RAPGEF2: variants seen among roughly 807,000 people sequenced by gnomAD.
RAPGEF2 encodes the protein PDZ domain containing guanine nucleotide exchange factor (GEF) 1.
In RAPGEF2, 54 loss-of-function variants were observed where a neutral mutation model predicts 186.7. The ratio of observed to expected loss-of-function variants is 0.29; its 90% confidence interval spans 0.23 to 0.36. The LOEUF is 0.36. Ranked by LOEUF, RAPGEF2 falls within the 10% of genes least tolerant of loss-of-function variation. The pLI is 1.00. For missense variants in RAPGEF2, 1,532 were observed against 2,045.0 expected (o/e 0.75, Z 4.84); for synonymous variants, 712 against 705.9 (o/e 1.01, Z -0.14).
chr4:159,284,586 C>G (rs1414996246), intron 7 of RAPGEF2, among the ~76,000 whole-genome samples: 1 of 151,796 alleles, frequency 6.6e-6, no homozygotes, highest in African/African-American at 2.4e-5. Flanking sequence ...TGCCTGACTC[C>G]TCTGGATTTC....
At chr4:159,290,448 T>TA (rs2110952405) in intron 7 of RAPGEF2, among the ~76,000 whole-genome samples, 1 of 152,356 alleles carries the variant, frequency 6.6e-6, no homozygotes, top group Admixed American at 6.5e-5. Context: ...CCTAGGATGA[T>TA]ACATCAGTAT....
chr4:159,296,836 A>C (rs1177255577), intron 7 of RAPGEF2, among the ~76,000 whole-genome samples: 1 of 152,188 alleles, frequency 6.6e-6, no homozygotes. Context: ...TTTTCAAGTG[A>C]AGTTCATGTA....
intron 1 of RAPGEF2, among the ~76,000 whole-genome samples, chr4:159,128,181 A>G (rs1011052057): frequency 6.6e-6 from 1 of 152,156 alleles, no homozygotes; most frequent in African/African-American, 2.4e-5. Context: ...AAATACTGAG[A>G]CTAATAATGT....
intron 7 of RAPGEF2, among the ~76,000 whole-genome samples, chr4:159,297,345 T>C (rs1262550636): frequency 6.6e-6 from 1 of 152,198 alleles, no homozygotes; most frequent in Admixed American, 6.5e-5. Flanking sequence ...GGTTTTACCA[T>C]ACTTAGTTTG....
At chr4:159,218,516 G>A (rs1336169146) in intron 4 of RAPGEF2, among the ~76,000 whole-genome samples, 1 of 152,184 alleles carries the variant, frequency 6.6e-6, no homozygotes, top group Admixed American at 6.5e-5. Context: ...AGCACTTTGG[G>A]AGGCTGAGGC....
chr4:159,303,379 A>T (rs1005467421), intron 7 of RAPGEF2, among the ~76,000 whole-genome samples: 6 of 152,202 alleles, frequency 3.9e-5, no homozygotes, highest in African/African-American at 1.2e-4. Flanking sequence ...AAATAGGATC[A>T]ATATGCAGGA....
At chr4:159,166,589 C>T (rs577585080) in intron 1 of RAPGEF2, among the ~76,000 whole-genome samples, 20 of 152,194 alleles carry the variant, frequency 1.3e-4, no homozygotes, top group Admixed American at 2.6e-4. Flanking sequence ...CACTTGAGTT[C>T]CAGAATTCCA....
chr4:159,352,469 C>T, intron 26 of RAPGEF2: 1 of 504,114 alleles, frequency 2.0e-6, no homozygotes. Flanking sequence ...AGGATACTTT[C>T]TTTTTTCCTC....
intron 11 of RAPGEF2, chr4:159,327,096 T>C (rs1440192255): frequency 6.6e-6 from 1 of 152,238 alleles, no homozygotes; most frequent in African/African-American, 2.4e-5. Flanking sequence ...TACAGTTTGC[T>C]GTGGATAAAT....
At chr4:159,155,506 A>G (rs772647009) in intron 1 of RAPGEF2, among the ~76,000 whole-genome samples, 1 of 143,368 alleles carries the variant, frequency 7.0e-6, no homozygotes, top group Non-Finnish European at 1.5e-5. Flanking sequence ...AGAAGTTTCC[A>G]GGTAGGGGAA....
chr4:159,164,064 G>A (rs544967913), intron 1 of RAPGEF2, among the ~76,000 whole-genome samples: 5 of 152,078 alleles, frequency 3.3e-5, no homozygotes, highest in South Asian at 4.1e-4. Flanking sequence ...GAGTGCAGTG[G>A]CGCAATCTCA....
At chr4:159,169,180 C>T (rs923513670) in intron 1 of RAPGEF2, among the ~76,000 whole-genome samples, 3 of 151,830 alleles carry the variant, frequency 2.0e-5, no homozygotes, top group African/African-American at 4.8e-5. Context: ...ATTTTGGAAC[C>T]CCCCTCAACT....
chr4:159,357,854 T>G (rs1367882209), intron 29 of RAPGEF2, among the ~76,000 whole-genome samples: 2 of 152,242 alleles, frequency 1.3e-5, no homozygotes, highest in African/African-American at 4.8e-5. Flanking sequence ...AAAATGAATT[T>G]AACAACTTTC....
At chr4:159,207,606 TA>T (rs1750116635) in intron 3 of RAPGEF2, among the ~76,000 whole-genome samples, 1 of 152,256 alleles carries the variant, frequency 6.6e-6, no homozygotes, top group Non-Finnish European at 1.5e-5. Flanking sequence ...ACTGTTCATT[TA>T]ATCCTTGCAG....
At chr4:159,137,301 T>A (rs955107052) in intron 1 of RAPGEF2, among the ~76,000 whole-genome samples, 13 of 152,200 alleles carry the variant, frequency 8.5e-5, no homozygotes, top group Non-Finnish European at 1.8e-4. Context: ...ACTCCTGGCC[T>A]GCAGACTGCT....
chr4:159,199,215 G>A (rs1023980643), intron 3 of RAPGEF2, among the ~76,000 whole-genome samples: 1 of 152,132 alleles, frequency 6.6e-6, no homozygotes, highest in Non-Finnish European at 1.5e-5. Context: ...GCACACCCAT[G>A]CCCACACAGA....
intron 4 of RAPGEF2, among the ~76,000 whole-genome samples, chr4:159,231,754 G>T (rs1752669574): frequency 6.6e-6 from 1 of 152,132 alleles, no homozygotes; most frequent in Non-Finnish European, 1.5e-5. Flanking sequence ...CCAGAGTAGG[G>T]ATGCTCCACA....
chr4:159,118,829 C>A lies in RAPGEF2; in HGVS notation c.69+14598C>A, dbSNP rs770739776. Among the ~76,000 whole-genome samples the A allele has an allele frequency of 2.2e-4, 34 of 152,274 alleles. No homozygotes were observed. In the Middle Eastern group the frequency reaches 0.01, roughly 46 times the overall value. Reference sequence around the variant, plus strand: ...TGGATTTCTGACCTCAGGTGATCCACCCACCTCGGCCTCCCAAAGTGCTGG... The same window carrying A: ...TGGATTTCTGACCTCAGGTGATCCAACCACCTCGGCCTCCCAAAGTGCTGG... On this transcript the variant is annotated intron_variant, in intron 1 of 29. Coordinates refer to ENST00000691494, the MANE Select transcript of RAPGEF2 (RefSeq NM_001394067.2).
In RAPGEF2 at chr4:159,297,672, G is replaced by T. The variant is rs148823577; in HGVS notation, c.544-6670G>T. 4.9e-3 allele frequency among the ~76,000 whole-genome samples: 742 copies of T among 152,280 alleles called. 11 individuals are homozygous for T. Among genetic ancestry groups the T allele is most frequent in the African/African-American group, 0.017 (707 of 41,564 alleles). On this transcript the variant is annotated intron_variant, in intron 7 of 29. Coordinates refer to ENST00000691494, the MANE Select transcript of RAPGEF2 (RefSeq NM_001394067.2). ...ATATAGTAAGTGAACTACCATAATG[G>T]TAGTTTTAGGTATGACAGTGTCAAA...
Sources: gnomAD v4.1 joint callset for allele counts (sites outside exome capture counted in the v4.1 genomes callset) on GRCh38, gnomAD v4.1.1 for gene constraint, MANE v1.5 for transcripts, NCBI Gene and HGNC (gene_info 2026-07-23, HGNC 2026-07-21) for gene names.